The following PPP1R21 variants were observed in gnomAD, a reference collection of about 807,000 sequenced individuals.
PPP1R21 encodes protein phosphatase 1 regulatory subunit 21.
PPP1R21 carries 85 observed loss-of-function variants against 112.8 expected under a neutral mutation model. The observed-to-expected ratio is 0.75, with a 90% CI of 0.63 to 0.90. The LOEUF (loss-of-function observed/expected upper bound fraction) is 0.90. Ranked by LOEUF, PPP1R21 falls within the 40% of genes least tolerant of loss-of-function variation. The pLI is 0.00. For missense variants in PPP1R21, 1,199 were observed against 901.5 expected, an observed-to-expected ratio of 1.33 and a Z score of -4.23; for synonymous variants, 381 against 322.3, an observed-to-expected ratio of 1.18 and a Z score of -1.95.
At chr2:48,469,426 T>TAG (rs368116163) in intron 9 of PPP1R21, among the ~76,000 whole-genome samples, 2 of 104,374 alleles carry the variant, frequency 1.9e-5, no homozygotes, top group South Asian at 6.1e-4. Context: ...CATATATATA[T>TAG]AGAGCATATA....
At chr2:48,492,837 G>A (rs929080790) in intron 15 of PPP1R21, among the ~76,000 whole-genome samples, 3 of 152,060 alleles carry the variant, frequency 2.0e-5, no homozygotes, top group Non-Finnish European at 1.5e-5. Flanking sequence ...TTTATAGTTT[G>A]CCTGTAGTAG....
At chr2:48,502,826 G>A (rs189719203) in intron 17 of PPP1R21, among the ~76,000 whole-genome samples, 14 of 151,968 alleles carry the variant, frequency 9.2e-5, no homozygotes, top group African/African-American at 2.9e-4. Flanking sequence ...GACTACAGGC[G>A]CCTGCCACCA....
chr2:48,441,145 C>A (rs570450709), intron 1 of PPP1R21, 135 bp downstream of exon 1: 1 of 688,658 alleles, frequency 1.5e-6, no homozygotes, highest in East Asian at 3.0e-5. Context: ...CAGCCGTCTC[C>A]GTCCACCATT....
chr2:48,449,762 A>AT (rs879865200), intron 1 of PPP1R21, among the ~76,000 whole-genome samples: 132 of 146,422 alleles, frequency 9.0e-4, no homozygotes, highest in Middle Eastern at 3.6e-3. Flanking sequence ...TTAGAAATAG[A>AT]TTTTTTTTTT....
chr2:48,450,234 G>C (rs992405672), intron 1 of PPP1R21, among the ~76,000 whole-genome samples: 4 of 152,132 alleles, frequency 2.6e-5, no homozygotes, highest in Non-Finnish European at 4.4e-5. Flanking sequence ...TATGACTTTG[G>C]AGTCCAAACT....
intron 1 of PPP1R21, among the ~76,000 whole-genome samples, chr2:48,442,003 A>G (rs1162626096): frequency 6.6e-6 from 1 of 152,240 alleles, no homozygotes; most frequent in Admixed American, 6.5e-5. Context: ...AAACATACAC[A>G]CTTAATTCTT....
chr2:48,498,671 A>G lies in PPP1R21; in HGVS notation c.1871A>G (p.Asn624Ser), dbSNP rs1407437766. 5 of 1,614,134 alleles carry G rather than the reference A, an allele frequency of 3.1e-6. No homozygotes were observed. In the Admixed American group the frequency reaches 8.3e-5, roughly 27 times the overall value. The change falls in exon 17 of 22, where the codon AAT becomes AGT. Residue 624 changes from asparagine (N) to serine (S), a missense_variant. Asn to Ser is a conservative substitution (Grantham distance 46). Coordinates refer to ENST00000294952, the MANE Select transcript of PPP1R21 (RefSeq NM_001135629.3). ...GLAQENAAVSNTAGQDEATAK... is the reference protein window; with the variant it reads ...GLAQENAAVSSTAGQDEATAK... ...GCCCAGGAAAATGCTGCTGTGTCAA[A>G]TACTGCTGGCCAGGATGAAGCCACA...
chr2:48,507,099 A>G (rs1670416392), intron 18 of PPP1R21, 170 bp from the exon 19 acceptor site: 2 of 923,764 alleles, frequency 2.2e-6, no homozygotes, highest in Non-Finnish European at 3.0e-6. Flanking sequence ...AATTTGGAAT[A>G]TACACTTCCC....
intron 21 of PPP1R21, among the ~76,000 whole-genome samples, chr2:48,514,438 T>C (rs1670781804): frequency 6.6e-6 from 1 of 152,208 alleles, no homozygotes; most frequent in Non-Finnish European, 1.5e-5. Context: ...TTTGTAGTTT[T>C]GATAAATCCA....
intron 2 of PPP1R21, 94 bp downstream of exon 2, chr2:48,451,170 T>C: frequency 2.1e-6 from 2 of 931,066 alleles, no homozygotes; most frequent in Non-Finnish European, 3.6e-6. Context: ...AAGTTCCAAC[T>C]CTGACACTGA....
At position 48,440,829 on chromosome 2, in the gene PPP1R21, C is replaced by CGGCTGCGGT. The variant is rs1553333073; in HGVS notation, c.-122_-121insTGCGGTGGC. Reference sequence around the variant, plus strand: ...GGAGGAGGCGCGGCGGCGGCGGCGGCGGCGGCTGCGGTGGCCAAGCAGGCA... The same window carrying CGGCTGCGGT: ...GGAGGAGGCGCGGCGGCGGCGGCGGCGGCTGCGGTGGCGGCTGCGGTGGCCAAGCAGGCA... On this transcript the variant is annotated 5_prime_UTR_variant, in exon 1 of 22. Transcript: ENST00000294952. The CGGCTGCGGT allele has an allele frequency of 1.2e-5, 8 of 686,306 alleles. No individual in the cohort carries two copies. Among genetic ancestry groups the CGGCTGCGGT allele is most frequent in the Admixed American group, 2.8e-5 (1 of 36,322 alleles). 42.5% of individuals were successfully genotyped at this position (686,306 alleles called of 1,614,324 possible).
intron 1 of PPP1R21, among the ~76,000 whole-genome samples, chr2:48,445,195 G>T (rs1667195847): frequency 6.7e-6 from 1 of 148,452 alleles, no homozygotes; most frequent in African/African-American, 2.5e-5. Flanking sequence ...GTAAAGTTGG[G>T]TTGGAAAACA....
intron 2 of PPP1R21, among the ~76,000 whole-genome samples, chr2:48,453,650 T>G (rs1274174488): frequency 6.6e-6 from 1 of 152,238 alleles, no homozygotes. Flanking sequence ...CATACCCCAT[T>G]ATGGCATAAA....
At chr2:48,445,593 A>T (rs1013716056) in intron 1 of PPP1R21, among the ~76,000 whole-genome samples, 6 of 152,202 alleles carry the variant, frequency 3.9e-5, no homozygotes, top group Non-Finnish European at 7.3e-5. Context: ...ACAAGGCCCT[A>T]GAAAGACAAG....
chr2:48,471,066 A>T, intron 9 of PPP1R21, 21 bp from the exon 10 acceptor site: 3 of 1,483,530 alleles, frequency 2.0e-6, no homozygotes, highest in Non-Finnish European at 9.4e-7. Context: ...TTTAATTCAC[A>T]ATACTTTCCC....
chr2:48,464,385 G>A (rs1313268869), intron 7 of PPP1R21, among the ~76,000 whole-genome samples: 1 of 152,134 alleles, frequency 6.6e-6, no homozygotes, highest in African/African-American at 2.4e-5. Flanking sequence ...GGAGGAGTTT[G>A]AGGAGGTATG....
rs1401562423 is a variant in PPP1R21, at chr2:48,465,658, G to C, written c.897+16G>C. ...GAATCAGAAGGTAAATTTAATTCAGGATACATTTTGTTTGCCCTGAACAAA... is the reference window on the plus strand; with the variant it reads ...GAATCAGAAGGTAAATTTAATTCAGCATACATTTTGTTTGCCCTGAACAAA... On this transcript the variant is annotated intron_variant, in intron 9 of 21. Transcript: ENST00000294952. The C allele has an allele frequency of 1.9e-6, 3 of 1,607,180 alleles. No homozygotes were observed. Among genetic ancestry groups the C allele is most frequent in the African/African-American group, 1.3e-5 (1 of 74,568 alleles).
At position 48,476,649 on chromosome 2, in the gene PPP1R21, A is replaced by G. The variant is rs1000228425; in HGVS notation, c.1225+1830A>G. Among the ~76,000 whole-genome samples, 5 of 152,174 alleles carry G rather than the reference A, an allele frequency of 3.3e-5. No homozygotes were observed. The East Asian group carries it at 9.6e-4, about 29-fold the overall frequency. On this transcript the variant is annotated intron_variant, in intron 12 of 21. Coordinates refer to ENST00000294952, the MANE Select transcript of PPP1R21 (RefSeq NM_001135629.3). ...TTGATTTTTAGCTATTCTGGTGGGT[A>G]TTAACTGGTATCTCATTGTAGTTTT... is the stretch of plus-strand genomic sequence containing the variant.
intron 8 of PPP1R21, 100 bp downstream of exon 8, chr2:48,465,089 G>A: frequency 1.1e-6 from 1 of 892,930 alleles, no homozygotes; most frequent in East Asian, 2.8e-5. Flanking sequence ...AGTGCATTCA[G>A]TCATTGCATT....
Sources: gnomAD v4.1 joint callset for allele counts (sites outside exome capture counted in the v4.1 genomes callset) on GRCh38, gnomAD v4.1.1 for gene constraint, MANE v1.5 for transcripts, NCBI Gene and HGNC (gene_info 2026-07-23, HGNC 2026-07-21) for gene names.